ZNF493: variants seen among roughly 807,000 people sequenced by gnomAD.
ZNF493 encodes zinc finger protein 493.
In ZNF493, 11 loss-of-function variants were observed where a neutral mutation model predicts 12.2. The ratio of observed to expected loss-of-function variants is 0.90; its 90% CI spans 0.57 to 1.50. The LOEUF (loss-of-function observed/expected upper bound fraction) is 1.50, where lower values mean the gene tolerates loss of function less well. ZNF493 is among the 40% of genes most tolerant of loss of function. ZNF493 has a pLI of 0.00. For missense variants in ZNF493, 950 were observed against 906.6 expected (o/e 1.05, Z -0.61); for synonymous variants, 286 against 302.6 (o/e 0.95, Z 0.57).
At chr19:21,418,114 G>T (rs553153326) in intron 3 of ZNF493, among the ~76,000 whole-genome samples, 20 of 152,258 alleles carry the variant, frequency 1.3e-4, no homozygotes, top group African/African-American at 3.6e-4. Context: ...GGCACTGCTC[G>T]AACAGTCACT....
intron 1 of ZNF493, among the ~76,000 whole-genome samples, chr19:21,399,388 C>T (rs1190312946): frequency 6.6e-6 from 1 of 151,868 alleles, no homozygotes; most frequent in Non-Finnish European, 1.5e-5. Context: ...TCTCAATCTC[C>T]TGACCTCATA....
intron 1 of ZNF493, among the ~76,000 whole-genome samples, chr19:21,404,528 T>C (rs2030050866): frequency 6.6e-6 from 1 of 152,256 alleles, no homozygotes; most frequent in African/African-American, 2.4e-5. Context: ...TGTTAGGTTT[T>C]CCTTGCATTT....
At chr19:21,412,455 C>T in intron 3 of ZNF493, 1 of 154,798 alleles carries the variant, frequency 6.5e-6, no homozygotes, top group Non-Finnish European at 1.4e-5. Context: ...TGTCACAGTG[C>T]TGCAGAGATT....
At chr19:21,402,754 G>A (rs995216213) in intron 1 of ZNF493, among the ~76,000 whole-genome samples, 7 of 152,140 alleles carry the variant, frequency 4.6e-5, no homozygotes, top group African/African-American at 1.4e-4. Context: ...ACAGTTATAT[G>A]AGAGGCTCCA....
At position 21,424,661 on chromosome 19, in the gene ZNF493, A is replaced by G. The variant is rs373704839; in HGVS notation, c.2002A>G (p.Ile668Val). The G allele has an allele frequency of 9.3e-6, 15 of 1,612,458 alleles. No homozygotes were observed. Among genetic ancestry groups the G allele is most frequent in the African/African-American group, 2.7e-5 (2 of 74,538 alleles). Residue 668 changes from isoleucine (I) to valine (V), a missense_variant, in exon 4 of 4, where the codon ATA becomes GTA. Transcript: ENST00000392288. ...TGAAGAATGTGGCAAAGCCTTTAGT[A>G]TATTCTCAACCCTTACTAAACATAA... is the stretch of plus-strand genomic sequence containing the variant. ...KCEECGKAFS[I>V]FSTLTKHKII...
Position 21,425,506 on chromosome 19 carries a change from C to T in ZNF493, c.*522C>T. The T allele has an allele frequency of 2.0e-6, 1 of 503,636 alleles. No homozygotes were observed. The highest frequency in any genetic ancestry group is 2.7e-5 in the Admixed American group (1 of 36,776). The allele number at this position is 503,636 out of a possible 1,614,324, so 31.2% of individuals were successfully genotyped here. ...ATTAGTAAACATAAGATAATTCATA[C>T]TGGAGAGAAAACCTACAAATGTGAG... On this transcript the variant is annotated 3_prime_UTR_variant, in exon 4 of 4. Transcript: ENST00000392288.
In ZNF493 at chr19:21,397,166, A is replaced by G. The variant is rs1163231862; in HGVS notation, c.-72A>G. ...TCTCTGCTGCCGGAGCTCCAGGTCT[A>G]CCCTTCACTGCTCTGTGTCCTCAGC... On this transcript the variant is annotated 5_prime_UTR_variant, in exon 1 of 4. Coordinates refer to ENST00000392288, the MANE Select transcript of ZNF493 (RefSeq NM_001076678.3). The G allele has an allele frequency of 8.2e-6, 13 of 1,579,640 alleles. No homozygotes were observed. Among genetic ancestry groups the G allele is most frequent in the Non-Finnish European group, 1.1e-5 (13 of 1,148,624 alleles).
In ZNF493 at chr19:21,397,247, C is replaced by A. The variant is rs1326376283; in HGVS notation, c.10C>A (p.Pro4Thr). MPGPPESLDMGPLT... is the reference protein window; with the variant it reads MPGTPESLDMGPLT... ...GAAATCCATAGCTAAGATGCCAGGA[C>A]CCCCTGAAAGCCTAGACATGGTGAG... Residue 4 changes from proline (P) to threonine (T), a missense_variant, in exon 1 of 4, where the codon CCC (proline) becomes ACC (threonine). By Grantham distance (38) the Pro-to-Thr change is conservative. Coordinates refer to ENST00000392288, the MANE Select transcript of ZNF493 (RefSeq NM_001076678.3). 6.2e-7 allele frequency: 1 copy of A among 1,614,156 alleles called. No homozygotes were observed.
At position 21,423,340 on chromosome 19, in the gene ZNF493, A is replaced by G. The variant is rs199988083; in HGVS notation, c.681A>G (p.Arg227=). ...TTATCTGGTTTTCAACCCTTACTAGACACAGGAGAGTTCATACTGGAGAGA... is the reference window on the plus strand; with the variant it reads ...TTATCTGGTTTTCAACCCTTACTAGGCACAGGAGAGTTCATACTGGAGAGA... ...KAFIWFSTLT[R]HRRVHTGEKS... The change falls in exon 4 of 4, where the codon AGA becomes AGG. Residue 227 remains arginine, a synonymous_variant. Transcript: ENST00000392288. 1.9e-6 allele frequency: 3 copies of G among 1,613,784 alleles called. No homozygotes were observed. The Admixed American group carries it at 5.0e-5, about 27-fold the overall frequency.
At chr19:21,415,256 G>A (rs553468555) in intron 3 of ZNF493, among the ~76,000 whole-genome samples, 21 of 152,230 alleles carry the variant, frequency 1.4e-4, no homozygotes, top group Non-Finnish European at 2.5e-4. Flanking sequence ...TTCTCAATTA[G>A]TTGTAACTCT....
chr19:21,426,847 G>C lies in ZNF493; in HGVS notation c.*1863G>C, dbSNP rs2030868807. On this transcript the variant is annotated 3_prime_UTR_variant, in exon 4 of 4. Transcript: ENST00000392288. ...GAATATTCTACTAAATGAGAGTTCT[G>C]AGTATAGAAAATAAAACTAAAGTTG... 1 of 166,982 alleles carries C rather than the reference G, an allele frequency of 6.0e-6. No homozygotes were observed. Among genetic ancestry groups the C allele is most frequent in the African/African-American group, 2.4e-5 (1 of 41,440 alleles). 10.3% of individuals were successfully genotyped at this position (166,982 alleles called of 1,614,324 possible).
chr19:21,418,304 A>T (rs186515015), intron 3 of ZNF493, among the ~76,000 whole-genome samples: 1 of 152,300 alleles, frequency 6.6e-6, no homozygotes, highest in Admixed American at 6.5e-5. Flanking sequence ...CTGTTACTTC[A>T]TTACACTCTC....
At chr19:21,413,762 C>A in intron 3 of ZNF493, 1 of 290,826 alleles carries the variant, frequency 3.4e-6, no homozygotes, top group East Asian at 5.7e-5. Flanking sequence ...TGGATCTCTC[C>A]ACCAAATCAG....
rs780170819 is a variant in ZNF493, at chr19:21,426,220, G to T, written c.*1236G>T. 2 of 208,360 alleles carry T rather than the reference G, an allele frequency of 9.6e-6. No homozygotes were observed. The highest frequency in any genetic ancestry group is 1.9e-4 in the South Asian group (2 of 10,802). 12.9% of individuals were successfully genotyped at this position (208,360 alleles called of 1,614,324 possible). A position where few individuals can be genotyped will look rare whatever the true frequency, so the allele number is the denominator to read the frequency against. ...GAGAATGTAACAAAGTATTTAAATGGTTGTCACACTTGATTATAGGTAATA... is the reference window on the plus strand; with the variant it reads ...GAGAATGTAACAAAGTATTTAAATGTTTGTCACACTTGATTATAGGTAATA... On this transcript the variant is annotated 3_prime_UTR_variant, in exon 4 of 4. Coordinates refer to ENST00000392288, the MANE Select transcript of ZNF493 (RefSeq NM_001076678.3).
intron 2 of ZNF493, 172 bp from the exon 3 acceptor site, chr19:21,405,589 G>A (rs2030094785): frequency 7.1e-6 from 8 of 1,121,606 alleles, no homozygotes; most frequent in Non-Finnish European, 7.1e-6. Flanking sequence ...GCAAAATTAA[G>A]CACCTACAAA....
chr19:21,411,767 A>ATT (rs71260156), intron 3 of ZNF493, among the ~76,000 whole-genome samples: 1,852 of 144,770 alleles, frequency 0.013, 31 homozygotes, highest in African/African-American at 0.036. Context: ...TGCTATTGTA[A>ATT]TTTTTTTTTT....
chr19:21,405,630 T>C (rs1284827082), intron 2 of ZNF493, 131 bp from the exon 3 acceptor site: 27 of 1,081,350 alleles, frequency 2.5e-5, no homozygotes, highest in Non-Finnish European at 3.4e-5. Flanking sequence ...TTAAGAACTT[T>C]CTGTCATTAA....
In ZNF493 at chr19:21,411,308, G is replaced by A. The variant is rs567739094; in HGVS notation, c.253+5452G>A. The stretch of plus-strand genomic sequence containing the variant: ...TGTTCTTTCATCTTTTTATCTTTGT[G>A]TAAGTATCACACTTTTTGTTATTGT... On this transcript the variant is annotated intron_variant, in intron 3 of 3. Coordinates refer to ENST00000392288, the MANE Select transcript of ZNF493 (RefSeq NM_001076678.3). Among the ~76,000 whole-genome samples the A allele has an allele frequency of 2.6e-5, 4 of 152,130 alleles. No individual in the cohort carries two copies. The South Asian group carries it at 8.3e-4, about 32-fold the overall frequency.
chr19:21,418,003 C>G (rs2030545300), intron 3 of ZNF493, among the ~76,000 whole-genome samples: 1 of 152,188 alleles, frequency 6.6e-6, no homozygotes, highest in African/African-American at 2.4e-5. Flanking sequence ...CACCATTGAT[C>G]TGGGGAGTGT....
Sources: gnomAD v4.1 joint callset for allele counts (sites outside exome capture counted in the v4.1 genomes callset) on GRCh38, gnomAD v4.1.1 for gene constraint, MANE v1.5 for transcripts, NCBI Gene and HGNC (gene_info 2026-07-23, HGNC 2026-07-21) for gene names.